Variants in METAP1 observed in about 807,000 individuals in gnomAD.
METAP1 encodes methionine aminopeptidase 1.
In METAP1, 28 loss-of-function variants were observed where a neutral mutation model predicts 53.8. That is an observed-to-expected ratio of 0.52 (90% CI 0.39 to 0.71). The LOEUF is 0.71. Among genes scored for constraint, METAP1 ranks in the 30% least tolerant of loss-of-function variants. METAP1 has a pLI of 0.00. For synonymous variants in METAP1, 181 were observed against 165.7 expected (o/e 1.09, Z -0.71); for missense variants, 389 against 479.8 (o/e 0.81, Z 1.77).
intron 10 of METAP1, among the ~76,000 whole-genome samples, chr4:99,058,907 T>G (rs1422661938): frequency 6.6e-6 from 1 of 152,242 alleles, no homozygotes; most frequent in Non-Finnish European, 1.5e-5. Context: ...ATGATTTATG[T>G]TATGTTATAT....
intron 5 of METAP1, 73 bp from the exon 6 acceptor site, chr4:99,040,970 G>A (rs1282257092): frequency 4.5e-6 from 4 of 885,514 alleles, no homozygotes; most frequent in Non-Finnish European, 6.7e-6. Flanking sequence ...ATCTTCCACA[G>A]TCAAACAGTA....
At chr4:99,049,633 A>G (rs187122530) in intron 9 of METAP1, among the ~76,000 whole-genome samples, 90 of 152,300 alleles carry the variant, frequency 5.9e-4, no homozygotes, top group Non-Finnish European at 9.7e-4. Flanking sequence ...CTGTTATTTA[A>G]TGTCAGAAAT....
At chr4:99,015,990 T>C (rs998768372) in intron 1 of METAP1, among the ~76,000 whole-genome samples, 1 of 152,310 alleles carries the variant, frequency 6.6e-6, no homozygotes, top group Admixed American at 6.5e-5. Context: ...TTCTCGGCAG[T>C]GCGAACTGCG....
intron 5 of METAP1, 94 bp from the exon 6 acceptor site, chr4:99,040,949 C>G (rs528852789): frequency 1.1e-5 from 6 of 550,000 alleles, no homozygotes; most frequent in South Asian, 4.6e-5. Flanking sequence ...AGGGGAGATT[C>G]ATTTTTACCA....
chr4:99,042,351 G>C (rs1579311603), intron 6 of METAP1, among the ~76,000 whole-genome samples: 1 of 151,792 alleles, frequency 6.6e-6, no homozygotes, highest in Non-Finnish European at 1.5e-5. Flanking sequence ...TAAAATCATG[G>C]TATATTCTGC....
At chr4:99,037,761 T>C (rs1725538724) in intron 4 of METAP1, 1 of 151,992 alleles carries the variant, frequency 6.6e-6, no homozygotes, top group Admixed American at 6.6e-5. Context: ...CTTTCCTCTT[T>C]TTCAGAATTT....
At chr4:99,017,700 C>T (rs1723857821) in intron 1 of METAP1, among the ~76,000 whole-genome samples, 1 of 152,242 alleles carries the variant, frequency 6.6e-6, no homozygotes, top group South Asian at 2.1e-4. Context: ...AGCCATCTTT[C>T]CGCTTTTTGA....
At chr4:99,041,851 C>G (rs565003083) in intron 6 of METAP1, among the ~76,000 whole-genome samples, 1 of 149,146 alleles carries the variant, frequency 6.7e-6, no homozygotes, top group South Asian at 2.1e-4. Context: ...ATTTGACAAT[C>G]TATCTTGAGC....
At chr4:99,023,439 A>G (rs1249104574) in intron 1 of METAP1, 1 of 941,828 alleles carries the variant, frequency 1.1e-6, no homozygotes, top group Non-Finnish European at 1.3e-6. Context: ...CTTGATACAT[A>G]CAAATCCTTT....
At chr4:99,056,008 G>A (rs1030523320) in intron 9 of METAP1, among the ~76,000 whole-genome samples, 2 of 152,180 alleles carry the variant, frequency 1.3e-5, no homozygotes, top group Non-Finnish European at 2.9e-5. Context: ...TGCAGTAAGT[G>A]TATTTTGGCA....
At chr4:99,005,977 T>G (rs1330027970) in intron 1 of METAP1, 1 of 169,886 alleles carries the variant, frequency 5.9e-6, no homozygotes, top group Non-Finnish European at 1.3e-5. Flanking sequence ...ACAATGTACA[T>G]ACTAGGATGA....
intron 1 of METAP1, among the ~76,000 whole-genome samples, chr4:99,002,340 G>A (rs1020254360): frequency 1.3e-5 from 2 of 152,194 alleles, no homozygotes; most frequent in Non-Finnish European, 2.9e-5. Flanking sequence ...GCTTCATTCT[G>A]TATCAAATGT....
chr4:99,034,234 T>A lies in METAP1; in HGVS notation c.171T>A (p.Asp57Glu), dbSNP rs1265805322. 2.6e-6 allele frequency: 4 copies of A among 1,543,946 alleles called. No individual in the cohort carries two copies. The highest frequency in any genetic ancestry group is 3.5e-6 in the Non-Finnish European group (4 of 1,139,974). The change falls in exon 3 of 11, where the codon GAT becomes GAA. Residue 57 changes from aspartate to glutamate, a missense_variant. Physicochemically the swap from Asp to Glu is conservative, Grantham distance 45. Transcript: ENST00000296411. ...THKLLHKKAK[D>E]EKAKREVSSW... ...ATCTATTCCTCCGTCTCCCAGAAGA[T>A]GAAAAGGCGAAGCGAGAAGTGTCTT...
Position 99,028,860 on chromosome 4 carries a change from CT to C in METAP1, c.115-3del. ...CTGACACTAATTTTCCTTTTTTGTT[CT>C]TTTAGGAATGTTTTAAAGGAAGTTG... On this transcript the variant is annotated splice_region_variant and splice_polypyrimidine_tract_variant and intron_variant, in intron 1 of 10. Transcript: ENST00000296411. 3.9e-6 allele frequency: 6 copies of C among 1,531,810 alleles called. No individual in the cohort carries two copies. Among genetic ancestry groups the C allele is most frequent in the Non-Finnish European group, 5.3e-6 (6 of 1,134,914 alleles). 94.9% of individuals were successfully genotyped at this position (1,531,810 alleles called of 1,614,324 possible). A position where few individuals can be genotyped will look rare whatever the true frequency, so the allele number is the denominator to read the frequency against.
intron 1 of METAP1, among the ~76,000 whole-genome samples, chr4:99,015,121 C>T (rs747359400): frequency 1.3e-5 from 2 of 152,160 alleles, no homozygotes; most frequent in African/African-American, 4.8e-5. Flanking sequence ...TCTGGCTTAC[C>T]GTGTGCACAA....
Position 99,034,241 on chromosome 4 carries a change from G to C in METAP1, c.178G>C (p.Ala60Pro). Residue 60 changes from alanine (A) to proline (P), a missense_variant, in exon 3 of 11, where the codon GCG becomes CCG. Physicochemically the swap from Ala to Pro is conservative, Grantham distance 27. Transcript: ENST00000296411. ...CCTCCGTCTCCCAGAAGATGAAAAG[G>C]CGAAGCGAGAAGTGTCTTCCTGGAC... ...LLHKKAKDEK[A>P]KREVSSWTVE... The C allele has an allele frequency of 6.5e-7, 1 of 1,548,362 alleles. No individual in the cohort carries two copies. The highest frequency in any genetic ancestry group is 8.7e-7 in the Non-Finnish European group (1 of 1,143,960).
intron 2 of METAP1, among the ~76,000 whole-genome samples, chr4:99,029,244 A>T (rs17028382): frequency 6.6e-6 from 1 of 152,070 alleles, no homozygotes; most frequent in East Asian, 1.9e-4. Flanking sequence ...GTAGTCAGGG[A>T]TTATGTGAGT....
rs546362741 is a variant in METAP1, at chr4:98,998,525, G to GA, written c.114+2665dup. On this transcript the variant is annotated intron_variant, in intron 1 of 10. Transcript: ENST00000296411. ...GCAACAGAGCAAGACTCCGTCTCAA[G>GA]AAAAAAACAAAAACAAAACAAAACA... Among the ~76,000 whole-genome samples the GA allele has an allele frequency of 3.0e-3, 452 of 151,500 alleles. 1 individual carries two copies. The highest frequency in any genetic ancestry group is 5.3e-3 in the Non-Finnish European group (362 of 67,682).
intron 1 of METAP1, among the ~76,000 whole-genome samples, chr4:99,017,126 G>T (rs1197599047): frequency 6.6e-6 from 1 of 152,224 alleles, no homozygotes; most frequent in Non-Finnish European, 1.5e-5. Context: ...GAAAAGTCAT[G>T]CTGGTGTCCA....
Sources: gnomAD v4.1 joint callset for allele counts (sites outside exome capture counted in the v4.1 genomes callset) on GRCh38, gnomAD v4.1.1 for gene constraint, MANE v1.5 for transcripts, NCBI Gene and HGNC (gene_info 2026-07-23, HGNC 2026-07-21) for gene names.